The following HCN1 variants were observed in gnomAD, a reference collection of about 807,000 sequenced individuals.
HCN1 encodes potassium/sodium hyperpolarization-activated cyclic nucleotide-gated channel 1.
A neutral mutation model predicts 78.9 loss-of-function variants in HCN1; 13 were observed. The ratio of observed to expected loss-of-function variants is 0.16; its 90% CI spans 0.11 to 0.26. The LOEUF is 0.26. HCN1 is among the 10% of genes least tolerant of loss of function. The pLI, the probability that HCN1 is intolerant of heterozygous loss-of-function variation, is 1.00. For missense variants in HCN1, 810 were observed against 1,154.3 expected (o/e 0.70, Z 4.32); for synonymous variants, 552 against 455.5 (o/e 1.21, Z -2.70).
At chr5:45,488,985 C>G (rs1311749249) in intron 2 of HCN1, among the ~76,000 whole-genome samples, 2 of 152,128 alleles carry the variant, frequency 1.3e-5, no homozygotes, top group East Asian at 3.9e-4. Context: ...TTGCTGAATG[C>G]CTGCCACAAA....
intron 6 of HCN1, among the ~76,000 whole-genome samples, chr5:45,297,712 AC>A (rs1240938693): frequency 6.6e-6 from 1 of 152,084 alleles, no homozygotes; most frequent in Admixed American, 6.6e-5. Flanking sequence ...CAAAATCATG[AC>A]CAAAATATTA....
chr5:45,424,409 C>T (rs950227070), intron 3 of HCN1, among the ~76,000 whole-genome samples: 2 of 152,008 alleles, frequency 1.3e-5, no homozygotes, highest in African/African-American at 4.8e-5. Flanking sequence ...TAAAAACACA[C>T]CATGAAATCA....
At chr5:45,300,933 T>C (rs9292918) in intron 6 of HCN1, among the ~76,000 whole-genome samples, 1 of 151,902 alleles carries the variant, frequency 6.6e-6, no homozygotes, top group Non-Finnish European at 1.5e-5. Context: ...CAAGAAAGAA[T>C]AGTGGAAGAA....
intron 2 of HCN1, among the ~76,000 whole-genome samples, chr5:45,479,323 C>A (rs1471683): frequency 6.6e-6 from 1 of 151,926 alleles, no homozygotes; most frequent in South Asian, 2.1e-4. Context: ...CTATGAATGA[C>A]TTTAGAAGCC....
At chr5:45,689,123 G>T (rs1739859846) in intron 1 of HCN1, among the ~76,000 whole-genome samples, 2 of 151,900 alleles carry the variant, frequency 1.3e-5, no homozygotes, top group Admixed American at 6.6e-5. Context: ...TACTTTAAAT[G>T]GGTGAATTGT....
intron 2 of HCN1, among the ~76,000 whole-genome samples, chr5:45,484,856 AT>A (rs1245949705): frequency 6.6e-6 from 1 of 152,140 alleles, no homozygotes; most frequent in Non-Finnish European, 1.5e-5. Flanking sequence ...CTGAGTACTG[AT>A]TTTGTGCATG....
chr5:45,448,232 T>C (rs1392085919), intron 3 of HCN1, among the ~76,000 whole-genome samples: 2 of 152,214 alleles, frequency 1.3e-5, no homozygotes, highest in Admixed American at 1.3e-4. Context: ...ATCATTTTTC[T>C]CTAATATATG....
At chr5:45,268,950 T>C (rs1347994209) in intron 6 of HCN1, among the ~76,000 whole-genome samples, 1 of 152,228 alleles carries the variant, frequency 6.6e-6, no homozygotes, top group Non-Finnish European at 1.5e-5. Context: ...AAAGTACTAA[T>C]GCCATATAAT....
chr5:45,584,994 A>G (rs1744179265), intron 2 of HCN1, among the ~76,000 whole-genome samples: 1 of 152,024 alleles, frequency 6.6e-6, no homozygotes, highest in Admixed American at 6.6e-5. Context: ...GGTGAATCCG[A>G]CAATTATGTG....
At chr5:45,355,537 G>A (rs1746990763) in intron 4 of HCN1, among the ~76,000 whole-genome samples, 1 of 151,952 alleles carries the variant, frequency 6.6e-6, no homozygotes, top group Admixed American at 6.6e-5. Flanking sequence ...ATGCTTGAGT[G>A]AGCGTGGGGG....
intron 1 of HCN1, among the ~76,000 whole-genome samples, chr5:45,682,737 T>C (rs1279012602): frequency 6.6e-6 from 1 of 152,026 alleles, no homozygotes; most frequent in African/African-American, 2.4e-5. Flanking sequence ...TTAAGTATGA[T>C]AAATTGTGTA....
At chr5:45,382,279 T>C (rs1368401155) in intron 4 of HCN1, among the ~76,000 whole-genome samples, 1 of 152,174 alleles carries the variant, frequency 6.6e-6, no homozygotes, top group African/African-American at 2.4e-5. Context: ...AAGCATCTTA[T>C]GCCCTTGTAT....
intron 4 of HCN1, among the ~76,000 whole-genome samples, chr5:45,372,133 ATATAATAATATAT>A (rs1213304012): frequency 0.028 from 1,593 of 57,026 alleles, 128 homozygotes; most frequent in African/African-American, 0.1. Context: ...TATATATATA[ATATAATAATATAT>A]TATATAATAT....
intron 2 of HCN1, among the ~76,000 whole-genome samples, chr5:45,562,050 G>A (rs1232543180): frequency 2.6e-5 from 4 of 152,060 alleles, no homozygotes; most frequent in African/African-American, 4.8e-5. Flanking sequence ...ACTGGAGGGC[G>A]GTCATGGGAA....
chr5:45,392,751 A>C (rs1739609439), intron 4 of HCN1, among the ~76,000 whole-genome samples: 1 of 151,300 alleles, frequency 6.6e-6, no homozygotes, highest in African/African-American at 2.4e-5. Context: ...GCGCCACAGC[A>C]CTCCAGTCTG....
chr5:45,389,087 C>T (rs1205809160), intron 4 of HCN1, among the ~76,000 whole-genome samples: 3 of 152,102 alleles, frequency 2.0e-5, no homozygotes, highest in Non-Finnish European at 4.4e-5. Context: ...GGCATTTAGG[C>T]TACAAGATAG....
intron 2 of HCN1, among the ~76,000 whole-genome samples, chr5:45,548,918 AC>A (rs1296939777): frequency 6.6e-6 from 1 of 151,492 alleles, no homozygotes; most frequent in Non-Finnish European, 1.5e-5. Context: ...AGAATAAAAT[AC>A]CTAGGAATCC....
intron 1 of HCN1, among the ~76,000 whole-genome samples, chr5:45,649,776 A>G (rs573232307): frequency 6.6e-6 from 1 of 152,226 alleles, no homozygotes; most frequent in Admixed American, 6.6e-5. Context: ...AAGAATATTT[A>G]TTAATTGGAT....
At position 45,373,290 on chromosome 5, in the gene HCN1, T is replaced by C. The variant is rs1428217503; in HGVS notation, c.1231-20044A>G. Among the ~76,000 whole-genome samples the C allele has an allele frequency of 5.0e-5, 6 of 119,372 alleles. No individual in the cohort carries two copies. In the East Asian group the frequency reaches 6.7e-4, roughly 13 times the overall value. The allele number at this position is 119,372 out of a possible 152,430, so 78.3% of individuals were successfully genotyped here. A position where few individuals can be genotyped will look rare whatever the true frequency, so the allele number is the denominator to read the frequency against. ...ATTATATATATTTTATATTATATAT[T>C]ATATATATTTTATATACTATATATA... On this transcript the variant is annotated intron_variant, in intron 4 of 7. Coordinates refer to ENST00000303230, the MANE Select transcript of HCN1 (RefSeq NM_021072.4).
Sources: allele counts gnomAD v4.1 joint callset (sites outside exome capture counted in the v4.1 genomes callset), GRCh38; gene constraint gnomAD v4.1.1; transcripts MANE v1.5; gene names NCBI Gene and HGNC (gene_info 2026-07-23, HGNC 2026-07-21).